Variants in MS4A18 observed in about 807,000 individuals in gnomAD.
The protein encoded by MS4A18 is membrane-spanning 4-domains subfamily A member 18.
A neutral mutation model predicts 13.1 loss-of-function variants in MS4A18; 27 were observed. The observed-to-expected ratio is 2.06, with a 90% CI of 1.52 to 2.84. The LOEUF (loss-of-function observed/expected upper bound fraction) is 2.84. Among genes scored for constraint, MS4A18 ranks in the 30% most tolerant of loss-of-function variants. The pLI, the probability that MS4A18 is intolerant of heterozygous loss-of-function variation, is 0.00. For synonymous variants in MS4A18, 126 were observed against 76.5 expected, an observed-to-expected ratio of 1.65 and a Z score of -3.38; for missense variants, 307 against 196.4, an observed-to-expected ratio of 1.56 and a Z score of -3.37.
intron 5 of MS4A18, 113 bp from the exon 7 acceptor site, chr11:60,743,537 C>T (rs1473785388): frequency 1.6e-6 from 1 of 630,648 alleles, no homozygotes; most frequent in African/African-American, 1.8e-5. Flanking sequence ...AGCCCAGCAT[C>T]AGGGAGAGAG....
intron 4 of MS4A18, among the ~76,000 whole-genome samples, chr11:60,740,252 T>C (rs1380995497): frequency 6.6e-6 from 1 of 152,092 alleles, no homozygotes; most frequent in African/African-American, 2.4e-5. Flanking sequence ...AGCCCTGGGA[T>C]CCCCACCCTC....
upstream of MS4A18, among the ~76,000 whole-genome samples, chr11:60,726,945 C>G (rs1853170429): frequency 6.6e-6 from 1 of 151,792 alleles, no homozygotes; most frequent in South Asian, 2.1e-4. Flanking sequence ...AACCCTCCGA[C>G]AGGCCCCAGT....
intron 2 of MS4A18, among the ~76,000 whole-genome samples, chr11:60,736,621 A>G (rs969414499): frequency 2.0e-5 from 3 of 152,184 alleles, no homozygotes; most frequent in African/African-American, 7.2e-5. Context: ...AGCGGAGGCC[A>G]AATGAGCAAT....
At chr11:60,725,136 CTACT>C (rs143985624), upstream of MS4A18, among the ~76,000 whole-genome samples, 400 of 152,336 alleles carry the variant, frequency 2.6e-3, 2 homozygotes, top group East Asian at 0.066. Flanking sequence ...GTGATCAGGT[CTACT>C]TAGGACCTCA....
In MS4A18 at chr11:60,741,658, G is replaced by A. The variant is rs557534797; in HGVS notation, c.858+515G>A. ...GAGCAACAGCTCTACCTCTTGATAA[G>A]AGGAGCTACAAAGTCACCCAGCAAA... On this transcript the variant is annotated intron_variant, in intron 5 of 5. Transcript: ENST00000529108. 7.2e-5 allele frequency among the ~76,000 whole-genome samples: 11 copies of A among 152,284 alleles called. No homozygotes were observed. In the South Asian group the frequency reaches 1.0e-3, roughly 14 times the overall value.
chr11:60,735,324 T>C (rs1003662430), intron 2 of MS4A18, among the ~76,000 whole-genome samples: 1 of 147,898 alleles, frequency 6.8e-6, no homozygotes, highest in Non-Finnish European at 1.5e-5. Context: ...TATTTTCAAT[T>C]TAATGTTTTT....
At chr11:60,744,177 A>T in exon 6 of MS4A18, 1 of 577,598 alleles carries the variant, frequency 1.7e-6, no homozygotes, top group Admixed American at 3.2e-5. Context: ...TTTGTTATTG[A>T]TGTCTTTTTT....
intron 1 of MS4A18, among the ~76,000 whole-genome samples, chr11:60,730,369 T>G (rs549414587): frequency 6.8e-4 from 104 of 152,334 alleles, no homozygotes; most frequent in African/African-American, 2.4e-3. Flanking sequence ...TGGATCTGGA[T>G]GCCTGGCCAA....
At chr11:60,729,368 A>C (rs151272326) in exon 1 of MS4A18, 3 of 702,800 alleles carry the variant, frequency 4.3e-6, no homozygotes, top group Non-Finnish European at 7.8e-6. Flanking sequence ...ATTGCCCCAG[A>C]TAATGTTCAC....
chr11:60,742,890 C>T (rs1287318606), intron 5 of MS4A18, among the ~76,000 whole-genome samples: 1 of 152,176 alleles, frequency 6.6e-6, no homozygotes, highest in Non-Finnish European at 1.5e-5. Context: ...TTAGCCAAAT[C>T]CAAAAGTTAT....
intron 2 of MS4A18, among the ~76,000 whole-genome samples, chr11:60,736,624 T>TG (rs1309636326): frequency 6.6e-6 from 1 of 152,076 alleles, no homozygotes; most frequent in Non-Finnish European, 1.5e-5. Flanking sequence ...GGAGGCCAAA[T>TG]GAGCAATTAA....
chr11:60,729,397 C>G (rs1209222912), exon 1 of MS4A18: 1 of 702,802 alleles, frequency 1.4e-6, no homozygotes, highest in East Asian at 2.7e-5. Flanking sequence ...GCCCAGCAAC[C>G]CTGTGGCCTC....
At chr11:60,730,604 G>A (rs1192869080) in intron 1 of MS4A18, among the ~76,000 whole-genome samples, 1 of 152,212 alleles carries the variant, frequency 6.6e-6, no homozygotes, top group Non-Finnish European at 1.5e-5. Context: ...AGTGCAAATT[G>A]TCTGGCTTCT....
chr11:60,741,669 A>G (rs1325401259), intron 5 of MS4A18, among the ~76,000 whole-genome samples: 1 of 152,052 alleles, frequency 6.6e-6, no homozygotes, highest in Non-Finnish European at 1.5e-5. Context: ...AGGAGCTACA[A>G]AGTCACCCAG....
chr11:60,742,504 TG>T (rs1232726743), intron 5 of MS4A18, among the ~76,000 whole-genome samples: 1 of 152,228 alleles, frequency 6.6e-6, no homozygotes, highest in Middle Eastern at 3.2e-3. Flanking sequence ...AATCTACCAA[TG>T]TCTATTTTGG....
intron 3 of MS4A18, among the ~76,000 whole-genome samples, chr11:60,737,380 T>C (rs1436575154): frequency 6.6e-6 from 1 of 152,224 alleles, no homozygotes; most frequent in African/African-American, 2.4e-5. Context: ...GGGAAACTCA[T>C]GAGTATTTAC....
upstream of MS4A18, among the ~76,000 whole-genome samples, chr11:60,727,127 T>C (rs1344683883): frequency 1.3e-5 from 2 of 152,294 alleles, no homozygotes; most frequent in African/African-American, 4.8e-5. Context: ...TTCCATGGTG[T>C]ATATGTGCCA....
chr11:60,739,035 G>A (rs1250445721), intron 4 of MS4A18, 38 bp downstream of exon 5: 1 of 701,134 alleles, frequency 1.4e-6, no homozygotes, highest in South Asian at 1.5e-5. Flanking sequence ...GCTGCCAAAG[G>A]ACCAGGAGGG....
At chr11:60,726,717 CTTTTA>C (rs3044411), upstream of MS4A18, among the ~76,000 whole-genome samples, 9,005 of 124,822 alleles carry the variant, frequency 0.072, 427 homozygotes, top group Admixed American at 0.14. Context: ...TGGGGTAACA[CTTTTA>C]TTTTATTTTA....
Sources: gnomAD v4.1 joint callset for allele counts (sites outside exome capture counted in the v4.1 genomes callset) on GRCh38, gnomAD v4.1.1 for gene constraint, MANE v1.5 for transcripts, NCBI Gene and HGNC (gene_info 2026-07-23, HGNC 2026-07-21) for gene names.